Variants in NT5E observed in about 807,000 individuals in gnomAD.
NT5E encodes 5'-nucleotidase.
NT5E carries 53 observed loss-of-function variants against 55.1 expected under a neutral mutation model. The observed-to-expected ratio is 0.96, with a 90% CI of 0.77 to 1.21. The LOEUF is 1.21. Among genes scored for constraint, NT5E ranks in the 50% most tolerant of loss-of-function variants. NT5E has a pLI of 0.00. For missense variants in NT5E, 683 were observed against 724.3 expected, an observed-to-expected ratio of 0.94 and a Z score of 0.65; for synonymous variants, 270 against 278.4, an observed-to-expected ratio of 0.97 and a Z score of 0.30.
At position 85,494,403 on chromosome 6, in the gene NT5E, T is replaced by C. The variant is rs756697669; in HGVS notation, c.*399T>C. The C allele has an allele frequency of 2.1e-5, 4 of 186,760 alleles. No homozygotes were observed. Among genetic ancestry groups the C allele is most frequent in the African/African-American group, 9.5e-5 (4 of 42,014 alleles). The allele number at this position is 186,760 out of a possible 1,614,324, so 11.6% of individuals were successfully genotyped here. On this transcript the variant is annotated 3_prime_UTR_variant, in exon 9 of 9. Coordinates refer to ENST00000257770, the MANE Select transcript of NT5E (RefSeq NM_002526.4). The stretch of plus-strand genomic sequence containing the variant: ...GTCTCATTTGATATCCACAACTTAT[T>C]TTTGGTAGGAAAGAGAGATGTTTTT...
chr6:85,485,211 T>G, intron 3 of NT5E, 24 bp from the exon 4 acceptor site: 1 of 1,613,242 alleles, frequency 6.2e-7, no homozygotes, highest in Non-Finnish European at 8.5e-7. Context: ...GCTGACTTGA[T>G]CAGCTGTGGC....
At chr6:85,462,013 G>A (rs1170191278) in intron 1 of NT5E, among the ~76,000 whole-genome samples, 1 of 152,082 alleles carries the variant, frequency 6.6e-6, no homozygotes, top group East Asian at 1.9e-4. Flanking sequence ...GCACGGAGGA[G>A]CAGTGAAACA....
intron 1 of NT5E, among the ~76,000 whole-genome samples, chr6:85,460,693 T>G (rs560334400): frequency 6.6e-6 from 1 of 152,252 alleles, no homozygotes; most frequent in South Asian, 2.1e-4. Flanking sequence ...ACTTCTCCAT[T>G]TACTCTTTTC....
At chr6:85,471,080 T>C (rs986427225) in intron 2 of NT5E, among the ~76,000 whole-genome samples, 157 bp from the exon 3 acceptor site, 2 of 152,234 alleles carry the variant, frequency 1.3e-5, no homozygotes, top group Non-Finnish European at 2.9e-5. Context: ...TATTTACTTC[T>C]TAGGGGTTTT....
At position 85,490,622 on chromosome 6, in the gene NT5E, AC is replaced by A; in HGVS notation, c.1326del (p.Tyr442Ter). ...KKAFEHSVHR[Y>X]GQSTGEFLQV... is the part of the protein sequence containing the mutation. ...GCCTTTGAGCATAGCGTGCACCGCT[AC>A]GGCCAGTCCACTGGAGAGTTCCTGC... On this transcript the variant is annotated frameshift_variant, in exon 7 of 9. Transcript: ENST00000257770. LOFTEE classifies it high-confidence loss of function. The A allele has an allele frequency of 6.2e-7, 1 of 1,614,192 alleles. No homozygotes were observed. Among genetic ancestry groups the A allele is most frequent in the Non-Finnish European group, 8.5e-7 (1 of 1,180,026 alleles).
rs555942246 is a variant in NT5E at position 85,491,844 on chromosome 6, C to T, written c.1361-133C>T. 1.2e-4 allele frequency: 96 copies of T among 784,928 alleles called. No individual in the cohort carries two copies. The African/African-American group carries it at 1.5e-3, about 12-fold the overall frequency. 48.6% of individuals were successfully genotyped at this position (784,928 alleles called of 1,614,324 possible). A position where few individuals can be genotyped will look rare whatever the true frequency, so the allele number is the denominator to read the frequency against. On this transcript the variant is annotated intron_variant, in intron 7 of 8. Coordinates refer to ENST00000257770, the MANE Select transcript of NT5E (RefSeq NM_002526.4). ...GGCTGCAATGTCACAATTCTCTTGA[C>T]AAAATTTCACTCAGGTTTAAACCAA...
At chr6:85,471,115 G>T in intron 2 of NT5E, 122 bp from the exon 3 acceptor site, 1 of 563,994 alleles carries the variant, frequency 1.8e-6, no homozygotes, top group East Asian at 3.1e-5. Context: ...AATATGTTTT[G>T]GTTTTACTGA....
intron 3 of NT5E, among the ~76,000 whole-genome samples, chr6:85,480,861 A>G (rs1186868813): frequency 6.6e-6 from 1 of 152,216 alleles, no homozygotes; most frequent in Admixed American, 6.5e-5. Context: ...ATTAGGCCCC[A>G]GGGACTAAAT....
In NT5E at chr6:85,492,023, A is replaced by G. The variant is rs746669746; in HGVS notation, c.1407A>G (p.Val469=). ...TTTCCCGAAAACCTGGAGACAGAGT[A>G]GTCAAATTAGATGTTCTTTGCACCA... ...YDLSRKPGDR[V]VKLDVLCTKC... Residue 469 remains valine, a synonymous_variant, in exon 8 of 9, where the codon GTA becomes GTG. Coordinates refer to ENST00000257770, the MANE Select transcript of NT5E (RefSeq NM_002526.4). The G allele has an allele frequency of 1.2e-6, 2 of 1,614,212 alleles. No individual in the cohort carries two copies. Among genetic ancestry groups the G allele is most frequent in the South Asian group, 2.2e-5 (2 of 91,092 alleles).
chr6:85,485,072 A>G (rs922647494), intron 3 of NT5E, among the ~76,000 whole-genome samples, 163 bp from the exon 4 acceptor site: 2 of 152,244 alleles, frequency 1.3e-5, no homozygotes, highest in African/African-American at 2.4e-5. Context: ...GCATTTGGAA[A>G]TGGGCAAATG....
chr6:85,468,651 G>A (rs1769242598), intron 2 of NT5E, among the ~76,000 whole-genome samples: 1 of 152,228 alleles, frequency 6.6e-6, no homozygotes, highest in Non-Finnish European at 1.5e-5. Context: ...CCATTTCCTG[G>A]AGCATGGGTT....
At chr6:85,456,962 A>G (rs1289001261) in intron 1 of NT5E, among the ~76,000 whole-genome samples, 1 of 152,200 alleles carries the variant, frequency 6.6e-6, no homozygotes, top group Non-Finnish European at 1.5e-5. Flanking sequence ...AAGAGATAGT[A>G]GTGCACATAA....
chr6:85,490,524 G>A lies in NT5E; in HGVS notation c.1227G>A (p.Glu409=). The change falls in exon 7 of 9, where the codon GAG becomes GAA. Residue 409 remains glutamate, a synonymous_variant. Coordinates refer to ENST00000257770, the MANE Select transcript of NT5E (RefSeq NM_002526.4). ...TACCCTCAGGCACAATTACCTGGGA[G>A]AACCTGGCTGCTGTATTGCCCTTTG... ...DERNNGTITW[E]NLAAVLPFGG... is the part of the protein sequence containing the mutation. 4 of 1,614,210 alleles carry A rather than the reference G, an allele frequency of 2.5e-6. No homozygotes were observed. The highest frequency in any genetic ancestry group is 3.4e-6 in the Non-Finnish European group (4 of 1,180,018).
Position 85,450,546 on chromosome 6 carries a change from C to G in NT5E, c.339+68C>G. 7.0e-7 allele frequency: 1 copy of G among 1,436,544 alleles called. No homozygotes were observed. The highest frequency in any genetic ancestry group is 1.2e-5 in the South Asian group (1 of 81,618). 89.0% of individuals were successfully genotyped at this position (1,436,544 alleles called of 1,614,324 possible). On this transcript the variant is annotated intron_variant, in intron 1 of 8. Transcript: ENST00000257770. This position sits in a 1 kb window ranked among gnomAD's most constrained non-coding sequence, Gnocchi z 4.0. ...GAGAGGAGCCGGGCTGGAAAAGCAGCGGATGGCAGAGTGTGGCAAGCCTAG... is the reference window on the plus strand; with the variant it reads ...GAGAGGAGCCGGGCTGGAAAAGCAGGGGATGGCAGAGTGTGGCAAGCCTAG...
chr6:85,455,310 A>G (rs1057188601), intron 1 of NT5E, among the ~76,000 whole-genome samples: 1 of 152,160 alleles, frequency 6.6e-6, no homozygotes. Context: ...TCAAGATGGA[A>G]CCAGTCACCA....
chr6:85,483,398 A>G (rs1260484473), intron 3 of NT5E, among the ~76,000 whole-genome samples: 2 of 152,224 alleles, frequency 1.3e-5, no homozygotes, highest in Admixed American at 6.5e-5. Context: ...AGGAGGACCA[A>G]CACATAGCAG....
intron 1 of NT5E, among the ~76,000 whole-genome samples, chr6:85,453,623 G>A (rs1409897978): frequency 6.6e-6 from 1 of 152,176 alleles, no homozygotes; most frequent in Non-Finnish European, 1.5e-5. Context: ...GTAGCTTTGA[G>A]CAGGTCTCTA....
intron 3 of NT5E, 162 bp downstream of exon 3, chr6:85,471,587 C>A (rs1178903814): frequency 5.7e-6 from 2 of 348,764 alleles, no homozygotes; most frequent in Non-Finnish European, 5.1e-6. Context: ...GGAACATGTG[C>A]AAATCTTACA....
In NT5E at chr6:85,491,981, C is replaced by G. The variant is rs766451783; in HGVS notation, c.1365C>G (p.Ile455Met). 7 of 1,613,218 alleles carry G rather than the reference C, an allele frequency of 4.3e-6. No individual in the cohort carries two copies. In the African/African-American group the frequency reaches 8.0e-5, roughly 18 times the overall value. Residue 455 changes from isoleucine (I) to methionine (M), a missense_variant, in exon 8 of 9, where the codon ATC becomes ATG. By Grantham distance (10) the Ile-to-Met change is conservative (BLOSUM62 1). Coordinates refer to ENST00000257770, the MANE Select transcript of NT5E (RefSeq NM_002526.4). ...STGEFLQVGG[I>M]HVVYDLSRKP... ...ACAGATTCATTTCTTTTCTAGGAAT[C>G]CATGTGGTGTATGATCTTTCCCGAA...
Sources: allele counts gnomAD v4.1 joint callset (sites outside exome capture counted in the v4.1 genomes callset), GRCh38; gene constraint gnomAD v4.1.1; non-coding constraint Gnocchi (gnomAD v3.1); transcripts MANE v1.5; gene names NCBI Gene and HGNC (gene_info 2026-07-23, HGNC 2026-07-21).